The following USP13 variants were observed in gnomAD, a reference collection of about 807,000 sequenced individuals.
USP13 encodes the protein ubiquitin carboxyl-terminal hydrolase 13.
Under a neutral mutation model 107.8 loss-of-function variants are expected in USP13, and 68 were observed. That is an observed-to-expected ratio of 0.63 (90% CI 0.52 to 0.77). The LOEUF is 0.77. USP13 is among the 30% of genes least tolerant of loss of function. The pLI, the probability that USP13 is intolerant of heterozygous loss-of-function variation, is 0.00. For synonymous variants in USP13, 377 were observed against 389.5 expected, an observed-to-expected ratio of 0.97 and a Z score of 0.38; for missense variants, 945 against 1,093.3, an observed-to-expected ratio of 0.86 and a Z score of 1.91.
intron 1 of USP13, among the ~76,000 whole-genome samples, chr3:179,673,386 GA>G (rs1576915320): frequency 2.7e-5 from 2 of 74,644 alleles, no homozygotes; most frequent in African/African-American, 1.3e-4. Context: ...TGGTGAATAT[GA>G]CACAGTTTTC....
Position 179,730,675 on chromosome 3 carries a change from A to C in USP13, c.1220A>C (p.Glu407Ala). Residue 407 changes from glutamate to alanine, a missense_variant, in exon 10 of 21, where the codon GAA (glutamate) becomes GCA (alanine). Transcript: ENST00000263966. ...TATTCAAAGCCTCCGGTGAAATCTG[A>C]ACTCATTGAACAGGTGATGAAGGAG... ...GQYSKPPVKS[E>A]LIEQVMKEEH... The C allele has an allele frequency of 5.0e-6, 8 of 1,614,144 alleles. No homozygotes were observed. The highest frequency in any genetic ancestry group is 6.8e-6 in the Non-Finnish European group (8 of 1,180,006).
intron 1 of USP13, among the ~76,000 whole-genome samples, chr3:179,681,280 C>T (rs971885353): frequency 1.3e-5 from 2 of 152,050 alleles, no homozygotes; most frequent in Admixed American, 1.3e-4. Flanking sequence ...TTAAAGAGTC[C>T]TTTATTAGCT....
intron 1 of USP13, among the ~76,000 whole-genome samples, chr3:179,655,557 G>GTTTTTTT (rs1491045074): frequency 1.2e-5 from 1 of 80,688 alleles, no homozygotes; most frequent in African/African-American, 3.2e-5. Flanking sequence ...GGTTTTTTTT[G>GTTTTTTT]TTTTGTTTTG....
At chr3:179,694,741 C>T (rs1322470756) in intron 3 of USP13, among the ~76,000 whole-genome samples, 1 of 131,674 alleles carries the variant, frequency 7.6e-6, no homozygotes, top group Admixed American at 9.3e-5. Context: ...GCGGAGGTTG[C>T]AGTGAGCTGA....
At chr3:179,752,680 T>C (rs1407277263) in intron 14 of USP13, among the ~76,000 whole-genome samples, 2 of 152,236 alleles carry the variant, frequency 1.3e-5, no homozygotes, top group Non-Finnish European at 2.9e-5. Context: ...GGGATCTTGG[T>C]TAAAATGCAG....
At chr3:179,752,058 C>A (rs143671640) in intron 13 of USP13, among the ~76,000 whole-genome samples, 18 of 152,292 alleles carry the variant, frequency 1.2e-4, no homozygotes, top group African/African-American at 3.6e-4. Flanking sequence ...CATTCTTAAA[C>A]GATAACATTC....
rs1205205923 is a variant in USP13, at chr3:179,788,917, C to A, written c.*4776C>A. ...AGATTTTTTTTTTCTGCCGAAAAAC[C>A]AATATATATATGTATGATCCCAATT... is the stretch of plus-strand genomic sequence containing the variant. On this transcript the variant is annotated 3_prime_UTR_variant, in exon 21 of 21. Coordinates refer to ENST00000263966, the MANE Select transcript of USP13 (RefSeq NM_003940.3). The A allele has an allele frequency of 6.6e-6, 1 of 152,026 alleles. No homozygotes were observed. The highest frequency in any genetic ancestry group is 1.5e-5 in the Non-Finnish European group (1 of 68,004). 9.4% of individuals were successfully genotyped at this position (152,026 alleles called of 1,614,324 possible).
At chr3:179,745,276 A>C in intron 13 of USP13, 59 bp downstream of exon 13, 3 of 1,096,134 alleles carry the variant, frequency 2.7e-6, no homozygotes, top group Non-Finnish European at 3.9e-6. Flanking sequence ...GGGTGGGGAC[A>C]GGGGTAAGGG....
intron 19 of USP13, among the ~76,000 whole-genome samples, chr3:179,774,970 A>G (rs1429723623): frequency 2.0e-5 from 3 of 152,034 alleles, no homozygotes; most frequent in Non-Finnish European, 2.9e-5. Flanking sequence ...CTAGACACAG[A>G]GCACTGATTG....
chr3:179,700,277 C>T (rs562010285), intron 3 of USP13, among the ~76,000 whole-genome samples: 1 of 152,124 alleles, frequency 6.6e-6, no homozygotes, highest in Non-Finnish European at 1.5e-5. Flanking sequence ...TATAGGGCTT[C>T]CACCTCGGAT....
chr3:179,655,867 G>T (rs1287630119), intron 1 of USP13, among the ~76,000 whole-genome samples: 1 of 152,106 alleles, frequency 6.6e-6, no homozygotes. Context: ...TTTTGTTATG[G>T]TATGTAACAC....
In USP13 at chr3:179,784,202, A is replaced by G. The variant is rs948636439; in HGVS notation, c.*61A>G. ...CGCCTTTTTAATTTGCCAAAAAAAAAAAGAAGAAGAAGAAGTTGAAACAAC... is the reference window on the plus strand; with the variant it reads ...CGCCTTTTTAATTTGCCAAAAAAAAGAAGAAGAAGAAGAAGTTGAAACAAC... On this transcript the variant is annotated 3_prime_UTR_variant, in exon 21 of 21. Coordinates refer to ENST00000263966, the MANE Select transcript of USP13 (RefSeq NM_003940.3). 9.8e-6 allele frequency: 13 copies of G among 1,321,152 alleles called. No individual in the cohort carries two copies. Among genetic ancestry groups the G allele is most frequent in the African/African-American group, 8.9e-5 (6 of 67,096 alleles). The allele number at this position is 1,321,152 out of a possible 1,614,324, so 81.8% of individuals were successfully genotyped here. A position where few individuals can be genotyped will look rare whatever the true frequency, so the allele number is the denominator to read the frequency against.
At chr3:179,689,561 G>T (rs1461041547) in intron 2 of USP13, among the ~76,000 whole-genome samples, 1 of 151,918 alleles carries the variant, frequency 6.6e-6, no homozygotes, top group Non-Finnish European at 1.5e-5. Context: ...GGGAGGTTGA[G>T]GCAGGAGACT....
intron 19 of USP13, among the ~76,000 whole-genome samples, chr3:179,781,433 C>T (rs1412076315): frequency 2.0e-5 from 3 of 152,086 alleles, no homozygotes; most frequent in Non-Finnish European, 4.4e-5. Flanking sequence ...GCCAGGACTA[C>T]CCTTTTAGAT....
intron 3 of USP13, among the ~76,000 whole-genome samples, chr3:179,699,359 A>T (rs995449489): frequency 1.5e-4 from 23 of 152,142 alleles, no homozygotes; most frequent in Non-Finnish European, 5.9e-5. Context: ...GCTACCTAGT[A>T]ATGTTTGGTT....
At chr3:179,735,984 G>C (rs1362365454) in intron 10 of USP13, among the ~76,000 whole-genome samples, 1 of 152,148 alleles carries the variant, frequency 6.6e-6, no homozygotes, top group Non-Finnish European at 1.5e-5. Context: ...AGGATGCAGT[G>C]AGCTGTGATT....
intron 13 of USP13, among the ~76,000 whole-genome samples, chr3:179,751,695 A>G (rs1714616433): frequency 2.0e-5 from 3 of 152,238 alleles, no homozygotes; most frequent in Non-Finnish European, 4.4e-5. Flanking sequence ...ACAGCAAAGT[A>G]AAAGTAACAA....
At chr3:179,740,223 G>T in intron 10 of USP13, 24 bp from the exon 11 acceptor site, 2 of 1,612,792 alleles carry the variant, frequency 1.2e-6, no homozygotes, top group East Asian at 2.2e-5. Flanking sequence ...AGTATCATAA[G>T]TCCATTTCAT....
chr3:179,767,301 A>G (rs140112438), intron 19 of USP13, among the ~76,000 whole-genome samples: 2 of 152,332 alleles, frequency 1.3e-5, no homozygotes, highest in African/African-American at 4.8e-5. Flanking sequence ...CCTGAGATAG[A>G]GAAGGCTAAG....
Sources: allele counts gnomAD v4.1 joint callset (sites outside exome capture counted in the v4.1 genomes callset), GRCh38; gene constraint gnomAD v4.1.1; transcripts MANE v1.5; gene names NCBI Gene and HGNC (gene_info 2026-07-23, HGNC 2026-07-21).